Variants in MID1 observed in about 807,000 individuals in gnomAD.
The protein encoded by MID1 is midline 1.
Under a neutral mutation model 40.4 loss-of-function variants are expected in MID1, and 7 were observed. That is an observed-to-expected ratio of 0.17 (90% CI 0.10 to 0.33). The LOEUF (loss-of-function observed/expected upper bound fraction) is 0.33, where lower values mean the gene tolerates loss of function less well. Ranked by LOEUF, MID1 falls within the 10% of genes least tolerant of loss-of-function variation. The probability of loss-of-function intolerance (pLI) is 1.00; values close to 1 mark genes in which losing one functional copy is unlikely to be tolerated. For synonymous variants in MID1, 229 were observed against 221.2 expected, an observed-to-expected ratio of 1.04 and a Z score of -0.31; for missense variants, 367 against 558.5, an observed-to-expected ratio of 0.66 and a Z score of 3.46.
intron 1 of MID1, among the ~76,000 whole-genome samples, chrX:10,606,060 A>G (rs1935620352): frequency 8.9e-6 from 1 of 111,952 alleles, no homozygotes; most frequent in South Asian, 3.7e-4. Flanking sequence ...CAAATCTTCC[A>G]AATGTAACAA....
At chrX:10,507,112 A>C (rs1473629374) in intron 3 of MID1, among the ~76,000 whole-genome samples, 2 of 111,627 alleles carry the variant, frequency 1.8e-5, no homozygotes, top group Non-Finnish European at 3.8e-5. Flanking sequence ...GCTTGAGTTA[A>C]GGATTATTTG....
intron 5 of MID1, among the ~76,000 whole-genome samples, chrX:10,476,193 G>A (rs1602274656): frequency 8.9e-6 from 1 of 111,778 alleles, no homozygotes; most frequent in African/African-American, 3.3e-5. Flanking sequence ...GGAGTAGATT[G>A]GTGGTTGCTA....
chrX:10,579,793 CTT>C (rs765255047), intron 1 of MID1, among the ~76,000 whole-genome samples: 113 of 94,790 alleles, frequency 1.2e-3, no homozygotes, highest in African/African-American at 3.1e-3. Context: ...GGGAAGAAGT[CTT>C]TTTTTTTTTT....
chrX:10,589,407 C>G (rs1935223835), intron 1 of MID1, among the ~76,000 whole-genome samples: 1 of 111,056 alleles, frequency 9.0e-6, no homozygotes, highest in Non-Finnish European at 1.9e-5. Flanking sequence ...TAAAGGCACG[C>G]TGTGGGTGAT....
chrX:10,530,702 G>A (rs1432271142), intron 2 of MID1, among the ~76,000 whole-genome samples: 1 of 111,886 alleles, frequency 8.9e-6, no homozygotes, highest in Non-Finnish European at 1.9e-5. Context: ...ATCTCAATAT[G>A]AGCCTTTAGG....
At chrX:10,745,733 C>A (rs1193243671) in intron 1 of MID1, among the ~76,000 whole-genome samples, 1 of 112,132 alleles carries the variant, frequency 8.9e-6, no homozygotes, top group African/African-American at 3.2e-5. Flanking sequence ...TTGGGAAGAT[C>A]ACATCTTTTG....
chrX:10,750,631 GAAAAATAAAAAATAAAAAAT>G lies in MID1; in HGVS notation c.-187+82903_-187+82922del, dbSNP rs1285095394. ...GGGTGATGGAGTGAGACTCTGTCTC[GAAAAATAAAAAATAAAAAAT>G]AAAAATAAAATAAAATAAAATAAAT... On this transcript the variant is annotated intron_variant, in intron 1 of 10. Coordinates refer to the MID1 transcript ENST00000380785. Among the ~76,000 whole-genome samples, 3 of 107,973 alleles carry G rather than the reference GAAAAATAAAAAATAAAAAAT, an allele frequency of 2.8e-5. No individual in the cohort carries two copies. The Admixed American group carries it at 3.0e-4, about 11-fold the overall frequency. The allele number at this position is 107,973 out of a possible 115,157, so 93.8% of individuals were successfully genotyped here.
At chrX:10,477,903 C>T (rs768736088) in intron 5 of MID1, among the ~76,000 whole-genome samples, 6 of 112,669 alleles carry the variant, frequency 5.3e-5, no homozygotes, top group South Asian at 3.7e-4. Context: ...CCTGCAGACA[C>T]ACTTCCAAAA....
chrX:10,611,259 A>G (rs1248136915), intron 1 of MID1, among the ~76,000 whole-genome samples: 1 of 112,582 alleles, frequency 8.9e-6, no homozygotes, highest in Non-Finnish European at 1.9e-5. Flanking sequence ...TTTGAAGATT[A>G]GAATTCATAA....
Position 10,449,545 on chromosome X carries a change from G to A in MID1, c.1827C>T (p.Asp609=). The change falls in exon 10 of 10, where the codon GAC becomes GAT. Residue 609 remains aspartate (D), a synonymous_variant. Coordinates refer to ENST00000317552, the MANE Select transcript of MID1 (RefSeq NM_000381.4). ...AAAAGGCGATAGAGCCGTTATCATA[G>A]TCCAGCAGGATGCCCACGCGCCGGA... The part of the protein sequence containing the change: ...PHLRRVGILL[D]YDNGSIAFYD... The A allele has an allele frequency of 1.7e-6, 2 of 1,212,051 alleles. No homozygotes were observed. Among genetic ancestry groups the A allele is most frequent in the Non-Finnish European group, 2.2e-6 (2 of 895,604 alleles).
intron 1 of MID1, among the ~76,000 whole-genome samples, chrX:10,691,842 C>A (rs965238584): frequency 4.4e-4 from 49 of 111,629 alleles, no homozygotes; most frequent in African/African-American, 1.6e-3. Flanking sequence ...GAATTCTTTT[C>A]CCAGCAAGGA....
chrX:10,550,455 G>GGCAT (rs1338974023), intron 2 of MID1, among the ~76,000 whole-genome samples: 1 of 112,129 alleles, frequency 8.9e-6, no homozygotes, highest in African/African-American at 3.2e-5. Flanking sequence ...TTGGGCTGGG[G>GGCAT]GCATGGGTGA....
At chrX:10,769,305 C>CA (rs1222387600) in intron 1 of MID1, among the ~76,000 whole-genome samples, 60 of 104,751 alleles carry the variant, frequency 5.7e-4, no homozygotes, top group South Asian at 1.3e-3. Flanking sequence ...AAACCCCAAA[C>CA]AAAAAAAAAA....
chrX:10,642,372 A>G (rs1393064205), intron 1 of MID1, among the ~76,000 whole-genome samples: 2 of 110,142 alleles, frequency 1.8e-5, no homozygotes, highest in East Asian at 5.6e-4. Context: ...ACACAGCAAT[A>G]ACAGACAGAG....
At chrX:10,457,534 T>C (rs773736199) in intron 8 of MID1, among the ~76,000 whole-genome samples, 1 of 112,505 alleles carries the variant, frequency 8.9e-6, no homozygotes, top group Non-Finnish European at 1.9e-5. Flanking sequence ...TTTACTTACA[T>C]GGACAACTCT....
At chrX:10,815,803 G>A (rs185403000) in intron 1 of MID1, among the ~76,000 whole-genome samples, 2 of 112,426 alleles carry the variant, frequency 1.8e-5, no homozygotes, top group Non-Finnish European at 3.8e-5. Flanking sequence ...CCAAAGAAGA[G>A]TTTGTTTCAT....
At chrX:10,451,574 G>T (rs745381381) in intron 9 of MID1, among the ~76,000 whole-genome samples, 2 of 111,776 alleles carry the variant, frequency 1.8e-5, no homozygotes, top group African/African-American at 3.3e-5. Context: ...TGGTTTGGCT[G>T]TGTCCCCACC....
chrX:10,531,491 C>T (rs1403844206), intron 2 of MID1, among the ~76,000 whole-genome samples: 1 of 112,230 alleles, frequency 8.9e-6, no homozygotes, highest in African/African-American at 3.2e-5. Context: ...AAATTTAAGT[C>T]TAGTATTCCA....
intron 1 of MID1, among the ~76,000 whole-genome samples, chrX:10,674,928 T>A (rs1335096513): frequency 2.7e-5 from 3 of 112,524 alleles, no homozygotes; most frequent in Non-Finnish European, 5.6e-5. Context: ...AAAGCATATA[T>A]TTTTTCAGGT....
Sources: gnomAD v4.1 joint callset for allele counts (sites outside exome capture counted in the v4.1 genomes callset) on GRCh38, gnomAD v4.1.1 for gene constraint, MANE v1.5 for transcripts, NCBI Gene and HGNC (gene_info 2026-07-23, HGNC 2026-07-21) for gene names.